CLASP1: variants seen among roughly 807,000 people sequenced by gnomAD.
The protein encoded by CLASP1 is CLIP-associating protein 1.
CLASP1 carries 38 observed loss-of-function variants against 192.3 expected under a neutral mutation model. The observed-to-expected ratio is 0.20, with a 90% CI of 0.15 to 0.26. CLASP1 has a LOEUF of 0.26. Ranked by LOEUF, CLASP1 falls within the 10% of genes least tolerant of loss-of-function variation. CLASP1 has a pLI of 1.00. For missense variants in CLASP1, 1,433 were observed against 1,932.5 expected (o/e 0.74, Z 4.85); for synonymous variants, 691 against 712.8 (o/e 0.97, Z 0.49).
intron 26 of CLASP1, chr2:121,403,494 G>C (rs1210747364): frequency 2.2e-6 from 1 of 456,756 alleles, no homozygotes; most frequent in South Asian, 1.5e-5. Flanking sequence ...CTTTCTTCCA[G>C]CAAGACTTGG....
chr2:121,514,815 C>T (rs1416392176), intron 7 of CLASP1, among the ~76,000 whole-genome samples: 5 of 152,144 alleles, frequency 3.3e-5, no homozygotes, highest in Admixed American at 6.5e-5. Context: ...TGAAACAGGA[C>T]GGAGAAAATT....
At chr2:121,457,851 C>T in intron 13 of CLASP1, 94 bp from the exon 14 acceptor site, 1 of 809,472 alleles carries the variant, frequency 1.2e-6, no homozygotes, top group South Asian at 1.6e-5. Flanking sequence ...CTACTTATAG[C>T]ACATATATAT....
At chr2:121,628,177 C>T (rs532423253) in intron 1 of CLASP1, among the ~76,000 whole-genome samples, 2 of 152,022 alleles carry the variant, frequency 1.3e-5, no homozygotes, top group African/African-American at 2.4e-5. Context: ...AAAAGAAAAG[C>T]GCAAAAAGAG....
chr2:121,573,899 T>A (rs7599299), intron 2 of CLASP1, among the ~76,000 whole-genome samples: 1 of 152,094 alleles, frequency 6.6e-6, no homozygotes, highest in Non-Finnish European at 1.5e-5. Context: ...TATTTTCTCT[T>A]ACCACACATA....
chr2:121,376,308 A>G (rs528412444), intron 34 of CLASP1, among the ~76,000 whole-genome samples: 1 of 152,336 alleles, frequency 6.6e-6, no homozygotes, highest in South Asian at 2.1e-4. Flanking sequence ...TGCATAAAGC[A>G]AATGTGACAT....
chr2:121,596,329 G>GA (rs1479041006), intron 2 of CLASP1, among the ~76,000 whole-genome samples: 1 of 152,110 alleles, frequency 6.6e-6, no homozygotes, highest in African/African-American at 2.4e-5. Flanking sequence ...GGAAAACCTG[G>GA]AAAAAAATGG....
chr2:121,517,982 G>A (rs913841156), intron 6 of CLASP1, among the ~76,000 whole-genome samples: 33 of 146,486 alleles, frequency 2.3e-4, no homozygotes, highest in Admixed American at 7.0e-4. Context: ...TCAGGAGTTC[G>A]AGTTCAGGCA....
At chr2:121,404,538 C>T (rs746102513) in intron 25 of CLASP1, 104 bp from the exon 27 acceptor site, 12 of 1,015,086 alleles carry the variant, frequency 1.2e-5, no homozygotes, top group Non-Finnish European at 1.6e-5. Flanking sequence ...GCGATCATAG[C>T]TCACTACAGC....
chr2:121,387,403 A>G (rs915607100), intron 31 of CLASP1, among the ~76,000 whole-genome samples, 175 bp from the exon 33 acceptor site: 3 of 152,134 alleles, frequency 2.0e-5, no homozygotes, highest in African/African-American at 7.2e-5. Flanking sequence ...CCAAAAATGA[A>G]TAATCATCAT....
chr2:121,535,031 G>T lies in CLASP1; in HGVS notation c.196-4706C>A, dbSNP rs746737720. The stretch of plus-strand genomic sequence containing the variant: ...GCCTGTAATCCCAGCACTTTGGGAG[G>T]CCAAGGCAGGCAGAGGCAGGCGGAT... On this transcript the variant is annotated intron_variant, in intron 2 of 39. Transcript: ENST00000263710. 1.1e-3 allele frequency among the ~76,000 whole-genome samples: 166 copies of T among 152,198 alleles called. 3 individuals are homozygous for T. Among genetic ancestry groups the T allele is most frequent in the Non-Finnish European group, 2.6e-4 (18 of 68,026 alleles).
chr2:121,377,501 T>C (rs1405017679), exon 34 of CLASP1: 1 of 1,602,402 alleles, frequency 6.2e-7, no homozygotes, highest in Admixed American at 1.7e-5. Flanking sequence ...ATACTTACAA[T>C]ATCACACTCC....
At chr2:121,595,609 T>C (rs1177701741) in intron 2 of CLASP1, among the ~76,000 whole-genome samples, 2 of 152,228 alleles carry the variant, frequency 1.3e-5, no homozygotes, top group Non-Finnish European at 2.9e-5. Flanking sequence ...AGTCAATGGA[T>C]TGTTTTATAC....
intron 7 of CLASP1, chr2:121,505,364 T>C (rs557660587): frequency 6.6e-6 from 1 of 152,346 alleles, no homozygotes; most frequent in South Asian, 2.1e-4. Flanking sequence ...GAGAACACTA[T>C]AAACATAACT....
chr2:121,404,869 A>G (rs1041900963), intron 25 of CLASP1, among the ~76,000 whole-genome samples: 9 of 152,226 alleles, frequency 5.9e-5, no homozygotes, highest in Admixed American at 5.2e-4. Flanking sequence ...TCCACATGCT[A>G]CAACTGAAAG....
chr2:121,453,521 C>A (rs1362154130), intron 14 of CLASP1, among the ~76,000 whole-genome samples: 1 of 152,118 alleles, frequency 6.6e-6, no homozygotes, highest in African/African-American at 2.4e-5. Flanking sequence ...GGAAAAGACA[C>A]CAACTACACA....
At chr2:121,382,185 A>G in intron 33 of CLASP1, 23 bp downstream of exon 34, 1 of 1,559,378 alleles carries the variant, frequency 6.4e-7, no homozygotes, top group South Asian at 1.2e-5. Flanking sequence ...CACCTCAGAC[A>G]AGTTTGACAG....
intron 33 of CLASP1, among the ~76,000 whole-genome samples, chr2:121,381,634 CCTT>C (rs2071685081): frequency 6.6e-6 from 1 of 152,198 alleles, no homozygotes; most frequent in Admixed American, 6.5e-5. Context: ...TGACGTTTCT[CCTT>C]CTTAGAGGCA....
At chr2:121,411,056 G>C in intron 23 of CLASP1, 87 bp from the exon 25 acceptor site, 1 of 776,232 alleles carries the variant, frequency 1.3e-6, no homozygotes, top group East Asian at 2.7e-5. Flanking sequence ...TTCCCACCAA[G>C]TAGACAGAAG....
intron 37 of CLASP1, among the ~76,000 whole-genome samples, chr2:121,352,996 A>G (rs1318272200): frequency 6.6e-6 from 1 of 152,156 alleles, no homozygotes; most frequent in Non-Finnish European, 1.5e-5. Flanking sequence ...CTGAATTGAG[A>G]CAAGATGTAA....
Sources: allele counts gnomAD v4.1 joint callset (sites outside exome capture counted in the v4.1 genomes callset), GRCh38; gene constraint gnomAD v4.1.1; transcripts MANE v1.5; gene names NCBI Gene and HGNC (gene_info 2026-07-23, HGNC 2026-07-21).